Variants in RNF17 observed in about 807,000 individuals in gnomAD.
RNF17 encodes the protein ring finger protein 17.
In RNF17, 31 loss-of-function variants were observed where a neutral mutation model predicts 200.5. The observed-to-expected ratio is 0.15, with a 90% confidence interval of 0.12 to 0.21. The LOEUF (loss-of-function observed/expected upper bound fraction) is 0.21. Among genes scored for constraint, RNF17 ranks in the 10% least tolerant of loss-of-function variants. The probability of loss-of-function intolerance (pLI) is 1.00; values close to 1 mark genes in which losing one functional copy is unlikely to be tolerated. For synonymous variants in RNF17, 606 were observed against 637.8 expected (o/e 0.95, Z 0.75); for missense variants, 1,628 against 1,905.1 (o/e 0.85, Z 2.71).
At chr13:24,860,148 C>T (rs1892949687) in intron 26 of RNF17, among the ~76,000 whole-genome samples, 1 of 151,422 alleles carries the variant, frequency 6.6e-6, no homozygotes, top group Admixed American at 6.6e-5. Flanking sequence ...AATGTATGTG[C>T]AAAGTGACAT....
At chr13:24,849,395 C>A (rs1397768538) in intron 22 of RNF17, among the ~76,000 whole-genome samples, 1 of 152,202 alleles carries the variant, frequency 6.6e-6, no homozygotes, top group African/African-American at 2.4e-5. Context: ...GCTTTGAATG[C>A]AACCCAACAC....
intron 22 of RNF17, among the ~76,000 whole-genome samples, chr13:24,846,706 A>G (rs998492535): frequency 5.9e-5 from 9 of 152,156 alleles, no homozygotes; most frequent in Non-Finnish European, 1.2e-4. Context: ...GAGCTAAAAA[A>G]AATTGAAAAA....
chr13:24,859,684 A>T (rs371957265), intron 26 of RNF17, among the ~76,000 whole-genome samples: 1 of 152,070 alleles, frequency 6.6e-6, no homozygotes, highest in Non-Finnish European at 1.5e-5. Context: ...AAATTGATGA[A>T]GTACTTCATC....
At chr13:24,820,430 T>C (rs1164011467) in intron 15 of RNF17, among the ~76,000 whole-genome samples, 1 of 149,636 alleles carries the variant, frequency 6.7e-6, no homozygotes, top group Non-Finnish European at 1.5e-5. Context: ...CCTTTTTGTT[T>C]TGTTTTGTTT....
chr13:24,767,627 A>G (rs1447332457), intron 2 of RNF17, among the ~76,000 whole-genome samples: 1 of 151,852 alleles, frequency 6.6e-6, no homozygotes, highest in Non-Finnish European at 1.5e-5. Context: ...GCACACCTGT[A>G]GTCCCAGCTG....
chr13:24,871,873 C>T (rs1894296916), intron 32 of RNF17, among the ~76,000 whole-genome samples: 1 of 151,870 alleles, frequency 6.6e-6, no homozygotes, highest in Non-Finnish European at 1.5e-5. Flanking sequence ...CCTCGTGATC[C>T]ACCCGCCTTG....
intron 2 of RNF17, among the ~76,000 whole-genome samples, chr13:24,769,012 C>CTT (rs1880250484): frequency 8.2e-5 from 11 of 133,872 alleles, no homozygotes; most frequent in Non-Finnish European, 1.1e-4. Flanking sequence ...TTTTTTTTGA[C>CTT]ATGGAGCTCC....
chr13:24,827,436 C>A (rs545342217), intron 16 of RNF17, among the ~76,000 whole-genome samples: 2 of 152,036 alleles, frequency 1.3e-5, no homozygotes, highest in Non-Finnish European at 2.9e-5. Flanking sequence ...TACAGATTTT[C>A]AAATGTGGTT....
intron 4 of RNF17, among the ~76,000 whole-genome samples, chr13:24,779,009 C>T (rs1171223462): frequency 1.3e-5 from 2 of 152,048 alleles, no homozygotes; most frequent in African/African-American, 2.4e-5. Flanking sequence ...GCCAACATGG[C>T]GAAACCCCAT....
chr13:24,802,609 T>G (rs754542406), intron 14 of RNF17, 38 bp downstream of exon 14: 1 of 1,526,560 alleles, frequency 6.6e-7, no homozygotes, highest in African/African-American at 1.4e-5. Context: ...TCTTTGAGAT[T>G]ATAGCTATAA....
At chr13:24,855,261 A>G (rs1291239830) in intron 25 of RNF17, among the ~76,000 whole-genome samples, 2 of 152,146 alleles carry the variant, frequency 1.3e-5, no homozygotes, top group African/African-American at 4.8e-5. Context: ...AAAAAATCCT[A>G]CTATGAACAT....
intron 18 of RNF17, among the ~76,000 whole-genome samples, chr13:24,839,444 A>G (rs1433749033): frequency 6.6e-6 from 1 of 152,218 alleles, no homozygotes; most frequent in Non-Finnish European, 1.5e-5. Context: ...CTAAGCAAAA[A>G]GAACAAATTT....
intron 33 of RNF17, among the ~76,000 whole-genome samples, chr13:24,874,921 C>T (rs765311560): frequency 1.4e-4 from 22 of 152,162 alleles, no homozygotes; most frequent in Non-Finnish European, 2.2e-4. Context: ...CTGGGTACCT[C>T]ATATAAGTAA....
At chr13:24,763,511 C>A (rs371584693), upstream of RNF17, among the ~76,000 whole-genome samples, 1 of 151,972 alleles carries the variant, frequency 6.6e-6, no homozygotes, top group South Asian at 2.1e-4. Flanking sequence ...GCCACCGCGC[C>A]GGGCCCAGAA....
chr13:24,880,393 T>G (rs148452726), downstream of RNF17, among the ~76,000 whole-genome samples: 592 of 152,328 alleles, frequency 3.9e-3, 2 homozygotes, highest in African/African-American at 0.014. Flanking sequence ...TTCGAGATTT[T>G]GGGTGGGAAC....
chr13:24,757,903 G>A, the RNF17 span, among the ~76,000 whole-genome samples: 1 of 152,156 alleles, frequency 6.6e-6, no homozygotes, highest in Non-Finnish European at 1.5e-5. Flanking sequence ...AATGTTGGAG[G>A]TGGGGTCTGG....
In RNF17 at chr13:24,874,047, AT is replaced by A. The variant is rs1894593637; in HGVS notation, c.4448-64del. ...GTACAAGTAGCCCTTTGATATGCTG[AT>A]TTCCTTTGGATTAAAAAAATTTAAT... On this transcript the variant is annotated intron_variant, in intron 32 of 35. Transcript: ENST00000255324. 1.4e-5 allele frequency: 22 copies of A among 1,542,162 alleles called. 1 individual carries two copies. In the South Asian group the frequency reaches 2.0e-4, roughly 14 times the overall value.
rs151201330 is a variant in RNF17, at chr13:24,875,471, A to G, written c.4583+1222A>G. Among the ~76,000 whole-genome samples the G allele has an allele frequency of 3.9e-5, 6 of 152,352 alleles. No homozygotes were observed. In the East Asian group the frequency reaches 7.7e-4, roughly 20 times the overall value. ...CTAATTGAAGAGGACTGACAACAGCAGAAATAATAGCCACCACCAAAGACA... is the reference window on the plus strand; with the variant it reads ...CTAATTGAAGAGGACTGACAACAGCGGAAATAATAGCCACCACCAAAGACA... On this transcript the variant is annotated intron_variant, in intron 33 of 35. Coordinates refer to ENST00000255324, the MANE Select transcript of RNF17 (RefSeq NM_031277.3).
chr13:24,805,279 T>G (rs542926610), intron 15 of RNF17, among the ~76,000 whole-genome samples: 65 of 152,350 alleles, frequency 4.3e-4, no homozygotes, highest in Admixed American at 1.2e-3. Context: ...TTAAGGCCAT[T>G]AAGTGTTGTG....
Sources: gnomAD v4.1 joint callset for allele counts (sites outside exome capture counted in the v4.1 genomes callset) on GRCh38, gnomAD v4.1.1 for gene constraint, MANE v1.5 for transcripts, NCBI Gene and HGNC (gene_info 2026-07-23, HGNC 2026-07-21) for gene names.